AKAP9: variants seen among roughly 807,000 people sequenced by gnomAD.
The protein encoded by AKAP9 is A-kinase anchor protein 9.
AKAP9 carries 311 observed loss-of-function variants against 488.5 expected under a neutral mutation model. The ratio of observed to expected loss-of-function variants is 0.64; its 90% CI spans 0.58 to 0.70. AKAP9 has a LOEUF of 0.70. Ranked by LOEUF, AKAP9 falls within the 30% of genes least tolerant of loss-of-function variation. The probability of loss-of-function intolerance (pLI) is 0.00; values close to 1 mark genes in which losing one functional copy is unlikely to be tolerated. For missense variants in AKAP9, 4,215 were observed against 4,374.5 expected (o/e 0.96, Z 1.03); for synonymous variants, 1,462 against 1,483.5 (o/e 0.99, Z 0.33).
intron 26 of AKAP9, among the ~76,000 whole-genome samples, chr7:92,067,147 C>T (rs1421253078): frequency 6.6e-6 from 1 of 152,150 alleles, no homozygotes; most frequent in Non-Finnish European, 1.5e-5. Context: ...ATGGAGTGCC[C>T]CAAAACTTAC....
chr7:92,044,145 C>A (rs1806575735), intron 20 of AKAP9, among the ~76,000 whole-genome samples: 1 of 152,066 alleles, frequency 6.6e-6, no homozygotes, highest in Non-Finnish European at 1.5e-5. Context: ...ATAAGAGAGG[C>A]AGGAGGAAAA....
At chr7:91,945,371 G>C (rs558221685) in intron 1 of AKAP9, among the ~76,000 whole-genome samples, 54 of 152,164 alleles carry the variant, frequency 3.5e-4, no homozygotes, top group Middle Eastern at 3.2e-3. Context: ...TTAGCCAGGC[G>C]TGGTGGCAGG....
chr7:92,093,354 A>C, intron 39 of AKAP9, 38 bp downstream of exon 39: 2 of 1,571,336 alleles, frequency 1.3e-6, no homozygotes, highest in Non-Finnish European at 1.7e-6. Context: ...TGTAACAAGG[A>C]GTGGGAGTAA....
chr7:91,941,593 G>C (rs1290541880), intron 1 of AKAP9, among the ~76,000 whole-genome samples: 1 of 152,118 alleles, frequency 6.6e-6, no homozygotes, highest in Non-Finnish European at 1.5e-5. Flanking sequence ...TAGGTAGCAC[G>C]CTGGCACTCT....
chr7:92,070,145 T>C lies in AKAP9; in HGVS notation c.6446T>C (p.Leu2149Pro). Residue 2149 changes from leucine to proline, a missense_variant, in exon 27 of 50, where the codon CTG becomes CCG. Leu to Pro is a moderately conservative substitution (Grantham distance 98). This residue lies in a region of AKAP9 where 2,361 missense variants were observed against 2,430.0 expected (regional missense o/e 0.97). Transcript: ENST00000356239. ...GAAAGGAATGAAGAAATAGAGAAAC[T>C]GGAGTTCAGAGTAAGAGAACTGGAG... Reference protein sequence around the residue: ...IQERNEEIEKLEFRVRELEQA... With the variant: ...IQERNEEIEKPEFRVRELEQA... 1 of 1,614,122 alleles carries C rather than the reference T, an allele frequency of 6.2e-7. No individual in the cohort carries two copies. Among genetic ancestry groups the C allele is most frequent in the Non-Finnish European group, 8.5e-7 (1 of 1,180,006 alleles).
At chr7:92,041,523 A>G (rs925634163) in intron 18 of AKAP9, 3 of 154,412 alleles carry the variant, frequency 1.9e-5, no homozygotes, top group African/African-American at 7.2e-5. Flanking sequence ...GGTATTTGGG[A>G]GCTGGATTCT....
intron 47 of AKAP9, among the ~76,000 whole-genome samples, chr7:92,107,020 AAAG>A (rs989095215): frequency 1.3e-5 from 2 of 152,248 alleles, no homozygotes. Flanking sequence ...TAAGGTCTTT[AAAG>A]AAGAAAATAT....
At position 92,002,591 on chromosome 7, in the gene AKAP9, A is replaced by G. The variant is rs1799306484; in HGVS notation, c.2674A>G (p.Lys892Glu). 1.2e-6 allele frequency: 2 copies of G among 1,610,150 alleles called. No homozygotes were observed. Among genetic ancestry groups the G allele is most frequent in the Non-Finnish European group, 1.7e-6 (2 of 1,178,386 alleles). The change falls in exon 8 of 50, where the codon AAA becomes GAA. Residue 892 changes from lysine (K) to glutamate (E), a missense_variant. By Grantham distance (56) the Lys-to-Glu change is moderately conservative. Around this residue, in one of 5 missense-constraint regions of AKAP9, gnomAD observed 2,361 missense variants for 2,430.0 expected, o/e 0.97. Coordinates refer to ENST00000356239, the MANE Select transcript of AKAP9 (RefSeq NM_005751.5). ...TAAACAGGAATTAGAGTATAAAAGTAAACTTAAAGCACTTAATGAAGAGCT... is the reference window on the plus strand; with the variant it reads ...TAAACAGGAATTAGAGTATAAAAGTGAACTTAAAGCACTTAATGAAGAGCT... ...KNKQELEYKS[K>E]LKALNEELHL...
At chr7:91,949,927 A>G (rs910187411) in intron 1 of AKAP9, among the ~76,000 whole-genome samples, 10 of 152,132 alleles carry the variant, frequency 6.6e-5, no homozygotes, top group African/African-American at 2.4e-4. Context: ...GTGTGGTGTG[A>G]AAGTTTCTCT....
At chr7:92,026,460 T>G (rs1370858846) in intron 14 of AKAP9, among the ~76,000 whole-genome samples, 1 of 152,076 alleles carries the variant, frequency 6.6e-6, no homozygotes, top group Non-Finnish European at 1.5e-5. Flanking sequence ...TCGGCCTGCC[T>G]AGTGCCTGGG....
chr7:92,011,226 A>G (rs1800704389), intron 8 of AKAP9, among the ~76,000 whole-genome samples: 1 of 152,234 alleles, frequency 6.6e-6, no homozygotes, highest in Non-Finnish European at 1.5e-5. Context: ...CACTATTTCA[A>G]CATTGCTTTG....
At chr7:92,080,202 C>G in intron 31 of AKAP9, 50 bp downstream of exon 31, 1 of 1,345,804 alleles carries the variant, frequency 7.4e-7, no homozygotes, top group Non-Finnish European at 1.0e-6. Flanking sequence ...AGAAACTAAG[C>G]TGATTGCTAA....
intron 28 of AKAP9, among the ~76,000 whole-genome samples, chr7:92,071,372 G>T (rs1253699960): frequency 2.0e-5 from 3 of 149,982 alleles, no homozygotes; most frequent in African/African-American, 7.4e-5. Context: ...TTGAATTATT[G>T]CTGCTTTGCT....
intron 47 of AKAP9, 113 bp from the exon 48 acceptor site, chr7:92,107,180 G>T: frequency 9.9e-7 from 1 of 1,013,928 alleles, no homozygotes; most frequent in Non-Finnish European, 1.5e-6. Context: ...CTATAAATAG[G>T]AGATTGTATA....
At chr7:92,036,704 G>T (rs182315726) in intron 16 of AKAP9, among the ~76,000 whole-genome samples, 9 of 152,048 alleles carry the variant, frequency 5.9e-5, no homozygotes, top group African/African-American at 1.4e-4. Flanking sequence ...AATATATTCA[G>T]TATGAAGAGA....
intron 8 of AKAP9, among the ~76,000 whole-genome samples, chr7:92,006,951 G>T (rs959335735): frequency 6.6e-6 from 1 of 152,084 alleles, no homozygotes. Flanking sequence ...TGAGAACAGG[G>T]ACCCAGTCTC....
intron 7 of AKAP9, 138 bp from the exon 8 acceptor site, chr7:92,000,710 G>A (rs1799045144): frequency 1.9e-6 from 1 of 514,918 alleles, no homozygotes. Flanking sequence ...AAAAAATTGA[G>A]GGGCAGGACC....
intron 1 of AKAP9, among the ~76,000 whole-genome samples, chr7:91,943,705 A>G (rs1791081974): frequency 6.6e-6 from 1 of 152,248 alleles, no homozygotes; most frequent in Non-Finnish European, 1.5e-5. Context: ...TTATTCATAC[A>G]TATTTGCTTA....
intron 6 of AKAP9, 57 bp from the exon 7 acceptor site, chr7:91,995,545 TG>T: frequency 6.6e-7 from 1 of 1,515,786 alleles, no homozygotes; most frequent in South Asian, 1.1e-5. Context: ...CAAAGGTGTC[TG>T]TTCCCTAATA....
Sources: allele counts gnomAD v4.1 joint callset (sites outside exome capture counted in the v4.1 genomes callset), GRCh38; gene constraint gnomAD v4.1.1; regional missense constraint gnomAD v4.1.1; transcripts MANE v1.5; gene names NCBI Gene and HGNC (gene_info 2026-07-23, HGNC 2026-07-21).